FYB1: variants seen among roughly 807,000 people sequenced by gnomAD.
The protein encoded by FYB1 is FYN binding protein 1.
In FYB1, 41 loss-of-function variants were observed where a neutral mutation model predicts 94.1. That is an observed-to-expected ratio of 0.44 (90% CI 0.34 to 0.57). FYB1 has a LOEUF of 0.57. Among genes scored for constraint, FYB1 ranks in the 20% least tolerant of loss-of-function variants. FYB1 has a pLI of 0.02. For synonymous variants in FYB1, 367 were observed against 353.2 expected (o/e 1.04, Z -0.44); for missense variants, 1,050 against 976.8 (o/e 1.07, Z -1.00).
chr5:39,194,815 G>A (rs1341249987), intron 2 of FYB1, among the ~76,000 whole-genome samples: 1 of 152,208 alleles, frequency 6.6e-6, no homozygotes, highest in African/African-American at 2.4e-5. Context: ...CTGATTAATA[G>A]TAAGTGTGTT....
chr5:39,116,534 A>G (rs907765579), intron 16 of FYB1, among the ~76,000 whole-genome samples: 25 of 152,224 alleles, frequency 1.6e-4, no homozygotes, highest in African/African-American at 5.3e-4. Flanking sequence ...AATAGTACTT[A>G]GAATTATTGA....
At chr5:39,272,452 C>A (rs914407595) in intron 1 of FYB1, among the ~76,000 whole-genome samples, 4 of 151,638 alleles carry the variant, frequency 2.6e-5, no homozygotes, top group Non-Finnish European at 5.9e-5. Flanking sequence ...ATCATGGGGT[C>A]AGGAGATCGA....
At chr5:39,199,935 G>A (rs1229976875) in intron 2 of FYB1, among the ~76,000 whole-genome samples, 1 of 152,218 alleles carries the variant, frequency 6.6e-6, no homozygotes, top group Non-Finnish European at 1.5e-5. Context: ...GAATCAGATT[G>A]CTTAATCCAG....
At chr5:39,218,646 G>A (rs1481072884) in intron 1 of FYB1, among the ~76,000 whole-genome samples, 1 of 152,196 alleles carries the variant, frequency 6.6e-6, no homozygotes, top group Non-Finnish European at 1.5e-5. Flanking sequence ...ATGTTTAGAT[G>A]AGAAAACTGA....
rs987466392 is a variant in FYB1, at chr5:39,119,629, C to G, written c.2144G>C (p.Gly715Ala). 3 of 1,530,670 alleles carry G rather than the reference C, an allele frequency of 2.0e-6. No homozygotes were observed. In the African/African-American group the frequency reaches 4.2e-5, roughly 21 times the overall value. The allele number at this position is 1,530,670 out of a possible 1,614,324, so 94.8% of individuals were successfully genotyped here. A position where few individuals can be genotyped will look rare whatever the true frequency, so the allele number is the denominator to read the frequency against. ...TGTCTTAGCTTTTCCAACATTAGTT[C>G]CTTGACTAGAACGGCAGAACACACA... The part of the protein sequence containing the change: ...FPVSSAEMSQ[G>A]TNVGKAKTEE... Residue 715 changes from glycine to alanine, a missense_variant, in exon 15 of 19, where the codon GGA (glycine) becomes GCA (alanine). Gly to Ala is a moderately conservative substitution (Grantham distance 60). Transcript: ENST00000512982.
chr5:39,135,456 A>G (rs1741602426), intron 7 of FYB1, among the ~76,000 whole-genome samples: 1 of 152,266 alleles, frequency 6.6e-6, no homozygotes, highest in South Asian at 2.1e-4. Context: ...TAAACAAGAT[A>G]ACATTTCAGA....
chr5:39,115,048 T>C (rs1739399151), intron 16 of FYB1, among the ~76,000 whole-genome samples: 2 of 152,064 alleles, frequency 1.3e-5, no homozygotes, highest in South Asian at 4.1e-4. Flanking sequence ...TAATAGAGAA[T>C]CATGGGCATT....
chr5:39,217,342 T>A (rs1749944129), intron 1 of FYB1, among the ~76,000 whole-genome samples: 1 of 152,202 alleles, frequency 6.6e-6, no homozygotes, highest in African/African-American at 2.4e-5. Flanking sequence ...AGAAACTGCG[T>A]AAGGGATCTG....
rs570962332 is a variant in FYB1 at position 39,112,636 on chromosome 5, T to C, written c.2402-2247A>G. Among the ~76,000 whole-genome samples the C allele has an allele frequency of 2.6e-5, 4 of 152,174 alleles. No individual in the cohort carries two copies. The East Asian group carries it at 7.7e-4, about 29-fold the overall frequency. On this transcript the variant is annotated intron_variant, in intron 16 of 18. Transcript: ENST00000512982. ...TTAAAACTCATTTATGCTAAAATGTTGCAGGTTTGGATAAAACACTAAACG... is the reference window on the plus strand; with the variant it reads ...TTAAAACTCATTTATGCTAAAATGTCGCAGGTTTGGATAAAACACTAAACG...
chr5:39,230,070 C>T (rs1435825362), intron 1 of FYB1, among the ~76,000 whole-genome samples: 1 of 152,182 alleles, frequency 6.6e-6, no homozygotes, highest in Non-Finnish European at 1.5e-5. Context: ...GGCAAAATAA[C>T]GTCCCCATCT....
chr5:39,153,999 TG>T (rs1473959027), intron 2 of FYB1, among the ~76,000 whole-genome samples: 1 of 152,164 alleles, frequency 6.6e-6, no homozygotes, highest in Non-Finnish European at 1.5e-5. Flanking sequence ...TCACCCAGGC[TG>T]GTTTTGAACT....
In FYB1 at chr5:39,153,450, T is replaced by G. The variant is rs759419765; in HGVS notation, c.1290A>C (p.Leu430=). ...TCGCAAGATAATCTTTTGCTTACTT[T>G]AGGTCAAACGGAGGTTTAATGTTTC... ...PPRNIKPPFD[L]KSPVNEDNQD... is the part of the protein sequence containing the mutation. The change falls in exon 3 of 19, where the codon CTA becomes CTC. Residue 430 remains leucine (L), a splice_region_variant and synonymous_variant. Coordinates refer to ENST00000512982, the MANE Select transcript of FYB1 (RefSeq NM_001465.6). The G allele has an allele frequency of 3.7e-6, 6 of 1,613,620 alleles. No homozygotes were observed. The African/African-American group carries it at 8.0e-5, about 22-fold the overall frequency.
At chr5:39,234,685 A>C (rs1449870864) in intron 1 of FYB1, among the ~76,000 whole-genome samples, 5 of 152,210 alleles carry the variant, frequency 3.3e-5, no homozygotes, top group African/African-American at 1.2e-4. Context: ...AATGTGGCAC[A>C]TATACACCAT....
At chr5:39,150,345 T>G (rs1390047326) in intron 3 of FYB1, among the ~76,000 whole-genome samples, 2 of 152,230 alleles carry the variant, frequency 1.3e-5, no homozygotes, top group Non-Finnish European at 2.9e-5. Context: ...ATCTTTCTAT[T>G]GTTCTATCTC....
intron 2 of FYB1, among the ~76,000 whole-genome samples, chr5:39,183,695 G>T (rs915952661): frequency 6.6e-6 from 1 of 152,070 alleles, no homozygotes; most frequent in African/African-American, 2.4e-5. Flanking sequence ...AGCTATTCTT[G>T]ACTTTGTAAA....
At chr5:39,153,359 C>T (rs1580402204) in intron 3 of FYB1, 89 bp downstream of exon 3, 3 of 1,504,924 alleles carry the variant, frequency 2.0e-6, no homozygotes, top group East Asian at 2.3e-5. Context: ...CAGAAGTTTC[C>T]CATGGAACTC....
rs190613161 is a variant in FYB1 at position 39,144,778 on chromosome 5, G to A, written c.1293-3637C>T. The stretch of plus-strand genomic sequence containing the variant: ...GATCGTGCCACTGCACTCTAGACTG[G>A]ATAACAGAGCGAAACTGTGTCTCAA... On this transcript the variant is annotated intron_variant, in intron 3 of 18. Coordinates refer to ENST00000512982, the MANE Select transcript of FYB1 (RefSeq NM_001465.6). 7.2e-5 allele frequency among the ~76,000 whole-genome samples: 11 copies of A among 152,116 alleles called. No homozygotes were observed. In the East Asian group the frequency reaches 1.9e-3, roughly 27 times the overall value.
chr5:39,192,768 G>T (rs980697208), intron 2 of FYB1, among the ~76,000 whole-genome samples: 5 of 152,192 alleles, frequency 3.3e-5, no homozygotes, highest in Non-Finnish European at 7.3e-5. Context: ...AATATTAAAA[G>T]AATAGCTGGT....
chr5:39,125,549 A>G (rs574304379), intron 12 of FYB1, among the ~76,000 whole-genome samples: 1 of 152,204 alleles, frequency 6.6e-6, no homozygotes, highest in South Asian at 2.1e-4. Flanking sequence ...ATTTCAAACT[A>G]TTAAAAAGAA....
Sources: allele counts gnomAD v4.1 joint callset (sites outside exome capture counted in the v4.1 genomes callset), GRCh38; gene constraint gnomAD v4.1.1; transcripts MANE v1.5; gene names NCBI Gene and HGNC (gene_info 2026-07-23, HGNC 2026-07-21).